The following CD274 variants were observed in gnomAD, a reference collection of about 807,000 sequenced individuals.
The protein encoded by CD274 is CD274 molecule.
In CD274, 8 loss-of-function variants were observed where a neutral mutation model predicts 30.1. The ratio of observed to expected loss-of-function variants is 0.27; its 90% CI spans 0.16 to 0.48. The LOEUF (loss-of-function observed/expected upper bound fraction) is 0.48, where lower values mean the gene tolerates loss of function less well. Ranked by LOEUF, CD274 falls within the 20% of genes least tolerant of loss-of-function variation. CD274 has a pLI of 0.99. For synonymous variants in CD274, 152 were observed against 124.6 expected (o/e 1.22, Z -1.46); for missense variants, 353 against 346.6 (o/e 1.02, Z -0.15).
chr9:5,457,770 C>T (rs1008091067), intron 3 of CD274, among the ~76,000 whole-genome samples: 10 of 152,222 alleles, frequency 6.6e-5, no homozygotes, highest in African/African-American at 1.2e-4. Context: ...AGTGTCCCTC[C>T]TCCCTTCACC....
At chr9:5,459,032 G>C (rs1268909793) in intron 3 of CD274, among the ~76,000 whole-genome samples, 3 of 152,162 alleles carry the variant, frequency 2.0e-5, no homozygotes, top group Non-Finnish European at 2.9e-5. Flanking sequence ...TAGGGAGTGT[G>C]TAGGGAAGGG....
chr9:5,451,434 C>T (rs955126600), intron 1 of CD274, among the ~76,000 whole-genome samples: 1 of 152,178 alleles, frequency 6.6e-6, no homozygotes, highest in African/African-American at 2.4e-5. Context: ...TGGAATATTG[C>T]TGATTGTTTC....
intron 3 of CD274, among the ~76,000 whole-genome samples, chr9:5,461,263 A>G (rs1819399389): frequency 6.6e-6 from 1 of 152,174 alleles, no homozygotes; most frequent in East Asian, 1.9e-4. Context: ...TTGAATTATT[A>G]GTATTATCTT....
intron 3 of CD274, among the ~76,000 whole-genome samples, chr9:5,460,876 T>C (rs1438163626): frequency 6.6e-6 from 1 of 152,228 alleles, no homozygotes; most frequent in East Asian, 1.9e-4. Context: ...TTTTACTTTC[T>C]GTTAATATAT....
Position 5,457,147 on chromosome 9 carries a change from A to T in CD274, c.121A>T (p.Lys41Ter), listed in dbSNP as rs2131211368. Residue 41 changes from lysine (K) to a stop codon, truncating the protein, a stop_gained, in exon 3 of 7, where the codon AAA becomes TAA. Transcript: ENST00000381577. LOFTEE classifies it high-confidence loss of function. ...EYGSNMTIEC[K>*]FPVEKQLDLA... The stretch of plus-strand genomic sequence containing the variant: ...TGGTAGCAATATGACAATTGAATGC[A>T]AATTCCCAGTAGAAAAACAATTAGA... The T allele has an allele frequency of 6.2e-7, 1 of 1,614,124 alleles. No homozygotes were observed. Among genetic ancestry groups the T allele is most frequent in the Non-Finnish European group, 8.5e-7 (1 of 1,179,940 alleles).
At chr9:5,453,779 G>C (rs983272275) in intron 1 of CD274, among the ~76,000 whole-genome samples, 33 of 152,228 alleles carry the variant, frequency 2.2e-4, no homozygotes, top group African/African-American at 7.7e-4. Flanking sequence ...AGGTTTCTCA[G>C]CACTGGCACT....
At chr9:5,457,888 T>G (rs1819335823) in intron 3 of CD274, among the ~76,000 whole-genome samples, 1 of 152,192 alleles carries the variant, frequency 6.6e-6, no homozygotes, top group South Asian at 2.1e-4. Flanking sequence ...TCAGTTTTCC[T>G]TTTTTGAGCC....
Position 5,457,538 on chromosome 9 carries a change from A to G in CD274, c.394+118A>G, listed in dbSNP as rs992711018. 4 of 734,742 alleles carry G rather than the reference A, an allele frequency of 5.4e-6. No individual in the cohort carries two copies. In the African/African-American group the frequency reaches 7.1e-5, roughly 13 times the overall value. 45.5% of individuals were successfully genotyped at this position (734,742 alleles called of 1,614,324 possible). Reference sequence around the variant, plus strand: ...TCAAACAGAACAGCATAGTCTGTTCATTCATTCATTCAATTCATGAATTCA... The same window carrying G: ...TCAAACAGAACAGCATAGTCTGTTCGTTCATTCATTCAATTCATGAATTCA... On this transcript the variant is annotated intron_variant, in intron 3 of 6. Coordinates refer to ENST00000381577, the MANE Select transcript of CD274 (RefSeq NM_014143.4).
chr9:5,456,213 AC>A lies in CD274; in HGVS notation c.52+50del, dbSNP rs758356629. ...TAGGTTCTATATTTTAAATATTTTA[AC>A]CATGAGTTTAAAACTAAAATGATCA... On this transcript the variant is annotated intron_variant, in intron 2 of 6. Coordinates refer to ENST00000381577, the MANE Select transcript of CD274 (RefSeq NM_014143.4). The A allele has an allele frequency of 2.2e-5, 27 of 1,255,302 alleles. No individual in the cohort carries two copies. In the South Asian group the frequency reaches 3.1e-4, roughly 14 times the overall value. 77.8% of individuals were successfully genotyped at this position (1,255,302 alleles called of 1,614,324 possible).
Position 5,465,546 on chromosome 9 carries a change from C to T in CD274, c.730C>T (p.Leu244=), listed in dbSNP as rs768935500. The part of the protein sequence containing the change: ...PPNERTHLVI[L]GAILLCLGVA... Reference sequence around the variant, plus strand: ...AAATGAAAGGACTCACTTGGTAATTCTGGGAGCCATCTTATTATGCCTTGG... The same window carrying T: ...AAATGAAAGGACTCACTTGGTAATTTTGGGAGCCATCTTATTATGCCTTGG... Residue 244 remains leucine (L), a synonymous_variant, in exon 5 of 7, where the codon CTG becomes TTG. Transcript: ENST00000381577. 6.2e-7 allele frequency: 1 copy of T among 1,612,546 alleles called. No individual in the cohort carries two copies. Among genetic ancestry groups the T allele is most frequent in the South Asian group, 1.1e-5 (1 of 91,054 alleles).
At position 5,462,936 on chromosome 9, in the gene CD274, T is replaced by G; in HGVS notation, c.497T>G (p.Ile166Ser). ...GAGGGCTACCCCAAGGCCGAAGTCA[T>G]CTGGACAAGCAGTGACCATCAAGTC... ...QAEGYPKAEV[I>S]WTSSDHQVLS... is the part of the protein sequence containing the mutation. Residue 166 changes from isoleucine to serine, a missense_variant, in exon 4 of 7, where the codon ATC becomes AGC. Ile to Ser is a moderately radical substitution (Grantham distance 142, BLOSUM62 -2). Transcript: ENST00000381577. 1 of 1,614,052 alleles carries G rather than the reference T, an allele frequency of 6.2e-7. No individual in the cohort carries two copies. Among genetic ancestry groups the G allele is most frequent in the Middle Eastern group, 1.6e-4 (1 of 6,062 alleles).
intron 1 of CD274, among the ~76,000 whole-genome samples, chr9:5,453,080 T>C (rs1424949623): frequency 3.3e-5 from 5 of 152,122 alleles, no homozygotes; most frequent in Non-Finnish European, 5.9e-5. Flanking sequence ...GAAAAGATAG[T>C]CTGATAGATG....
rs186936117 is a variant in CD274, at chr9:5,450,691, T to C, written c.-15+95T>C. On this transcript the variant is annotated intron_variant, in intron 1 of 6. Coordinates refer to ENST00000381577, the MANE Select transcript of CD274 (RefSeq NM_014143.4). ...GACGGAGGGTCTCTACACCCTTTCTTTGGGATGGAGAGAGGAGAAGGGAAA... is the reference window on the plus strand; with the variant it reads ...GACGGAGGGTCTCTACACCCTTTCTCTGGGATGGAGAGAGGAGAAGGGAAA... 4.4e-3 allele frequency: 674 copies of C among 152,322 alleles called. 2 individuals are homozygous for C. The highest frequency in any genetic ancestry group is 5.7e-3 in the Non-Finnish European group (387 of 68,054). 9.4% of individuals were successfully genotyped at this position (152,322 alleles called of 1,614,324 possible). A position where few individuals can be genotyped will look rare whatever the true frequency, so the allele number is the denominator to read the frequency against.
At chr9:5,466,986 G>A (rs532315628) in intron 6 of CD274, among the ~76,000 whole-genome samples, 157 bp downstream of exon 6, 8 of 152,068 alleles carry the variant, frequency 5.3e-5, no homozygotes, top group Non-Finnish European at 8.8e-5. Context: ...TCCACCGTCT[G>A]AGGAGGTTTA....
At chr9:5,458,780 T>C (rs992689211) in intron 3 of CD274, among the ~76,000 whole-genome samples, 6 of 152,244 alleles carry the variant, frequency 3.9e-5, no homozygotes, top group Non-Finnish European at 7.3e-5. Context: ...TTTTACCATA[T>C]GCTTCTCCAT....
Position 5,469,848 on chromosome 9 carries a change from G to C in CD274, c.*1986G>C, listed in dbSNP as rs1819561250. The C allele has an allele frequency of 4.3e-6, 1 of 232,902 alleles. No homozygotes were observed. Among genetic ancestry groups the C allele is most frequent in the Non-Finnish European group, 8.5e-6 (1 of 117,914 alleles). 14.4% of individuals were successfully genotyped at this position (232,902 alleles called of 1,614,324 possible). A position where few individuals can be genotyped will look rare whatever the true frequency, so the allele number is the denominator to read the frequency against. ...AGCAATCTTATTATTAACTCTGTAT[G>C]ACAGAATCATGTCTGGAACTTTTGT... On this transcript the variant is annotated 3_prime_UTR_variant, in exon 7 of 7. Coordinates refer to ENST00000381577, the MANE Select transcript of CD274 (RefSeq NM_014143.4).
At chr9:5,459,306 A>G (rs1586764796) in intron 3 of CD274, among the ~76,000 whole-genome samples, 1 of 152,208 alleles carries the variant, frequency 6.6e-6, no homozygotes, top group Non-Finnish European at 1.5e-5. Context: ...ATTTGCATAC[A>G]GTGGTTTTGG....
chr9:5,463,654 A>C (rs1819447272), intron 4 of CD274, among the ~76,000 whole-genome samples: 1 of 152,182 alleles, frequency 6.6e-6, no homozygotes, highest in Admixed American at 6.5e-5. Context: ...CTCCCAAGGT[A>C]GTCTACAATA....
intron 3 of CD274, among the ~76,000 whole-genome samples, chr9:5,461,644 T>TA (rs1355028159): frequency 3.0e-4 from 46 of 151,744 alleles, no homozygotes; most frequent in African/African-American, 1.0e-3. Flanking sequence ...GTATTAGAAG[T>TA]AAAAAAAAGA....
Sources: allele counts gnomAD v4.1 joint callset (sites outside exome capture counted in the v4.1 genomes callset), GRCh38; gene constraint gnomAD v4.1.1; transcripts MANE v1.5; gene names NCBI Gene and HGNC (gene_info 2026-07-23, HGNC 2026-07-21).